Variants in TSHR observed in about 807,000 individuals in gnomAD.
TSHR encodes thyrotropin receptor.
TSHR carries 51 observed loss-of-function variants against 64.1 expected under a neutral mutation model. The ratio of observed to expected loss-of-function variants is 0.80; its 90% CI spans 0.64 to 1.01. The LOEUF (loss-of-function observed/expected upper bound fraction) is 1.01, where lower values mean the gene tolerates loss of function less well. TSHR is among the 50% of genes least tolerant of loss of function. The pLI is 0.00. For synonymous variants in TSHR, 361 were observed against 361.9 expected, an observed-to-expected ratio of 1.00 and a Z score of 0.03; for missense variants, 877 against 942.8, an observed-to-expected ratio of 0.93 and a Z score of 0.91.
At chr14:81,108,833 C>T (rs2140033297) in intron 8 of TSHR, 1 of 1,509,306 alleles carries the variant, frequency 6.6e-7, no homozygotes, top group East Asian at 2.4e-5. Context: ...ATGTACATTG[C>T]ACAATGCCTG....
Position 81,061,058 on chromosome 14 carries a change from T to G in TSHR, c.171-1090T>G, listed in dbSNP as rs192234471. On this transcript the variant is annotated intron_variant, in intron 1 of 9. Transcript: ENST00000298171. ...TTAAGGTGCAAATCCAACAAAGATG[T>G]CTTAAGATTCTGAGGAAGAATTTGC... is the stretch of plus-strand genomic sequence containing the variant. 6.6e-5 allele frequency among the ~76,000 whole-genome samples: 10 copies of G among 152,206 alleles called. No individual in the cohort carries two copies. The East Asian group carries it at 1.9e-3, about 29-fold the overall frequency.
intron 8 of TSHR, among the ~76,000 whole-genome samples, chr14:81,137,889 G>A (rs564472216): frequency 9.2e-5 from 14 of 152,256 alleles, no homozygotes; most frequent in Non-Finnish European, 2.1e-4. Context: ...ATGCTCTCCC[G>A]TTTCACTGAC....
At chr14:81,081,457 C>A (rs566874170) in intron 3 of TSHR, among the ~76,000 whole-genome samples, 1 of 152,084 alleles carries the variant, frequency 6.6e-6, no homozygotes, top group Non-Finnish European at 1.5e-5. Context: ...TGGCACACCA[C>A]CCTCCAGGAG....
chr14:81,018,470 C>T (rs1303350913), intron 1 of TSHR, among the ~76,000 whole-genome samples: 1 of 152,138 alleles, frequency 6.6e-6, no homozygotes. Context: ...AATTTTGAAA[C>T]ACAGTTTTAG....
chr14:81,103,343 C>T lies in TSHR; in HGVS notation c.615-5032C>T. 1 of 985,350 alleles carries T rather than the reference C, an allele frequency of 1.0e-6. No homozygotes were observed. Among genetic ancestry groups the T allele is most frequent in the Non-Finnish European group, 1.2e-6 (1 of 829,872 alleles). The allele number at this position is 985,350 out of a possible 1,614,324, so 61.0% of individuals were successfully genotyped here. A position where few individuals can be genotyped will look rare whatever the true frequency, so the allele number is the denominator to read the frequency against. On this transcript the variant is annotated intron_variant, in intron 7 of 9. Transcript: ENST00000298171. This position sits in a 1 kb window ranked among gnomAD's most constrained non-coding sequence, Gnocchi z 4.1. ...GCATGTTAGCAATTTGGTAATTTCTCCAGAAGTTTGTCCAGGTATCATTAG... is the reference window on the plus strand; with the variant it reads ...GCATGTTAGCAATTTGGTAATTTCTTCAGAAGTTTGTCCAGGTATCATTAG...
intron 1 of TSHR, among the ~76,000 whole-genome samples, chr14:81,011,411 G>A (rs1471454325): frequency 6.6e-6 from 1 of 151,882 alleles, no homozygotes; most frequent in African/African-American, 2.4e-5. Flanking sequence ...ATATTTTTTG[G>A]ATACATCAGT....
At chr14:80,992,313 T>A (rs1285912494) in intron 1 of TSHR, 1 of 142,970 alleles carries the variant, frequency 7.0e-6, no homozygotes, top group African/African-American at 2.6e-5. Flanking sequence ...GTCAGGAGAA[T>A]CCCTTGAACC....
In TSHR at chr14:81,107,446, G is replaced by A. The variant is rs145107829; in HGVS notation, c.615-929G>A. Among the ~76,000 whole-genome samples the A allele has an allele frequency of 4.3e-3, 656 of 152,288 alleles. 7 individuals carry two copies. Among genetic ancestry groups the A allele is most frequent in the African/African-American group, 0.016 (644 of 41,548 alleles). On this transcript the variant is annotated intron_variant, in intron 7 of 9. Transcript: ENST00000298171. ...TAACAAGGATATATATATGTGCTATGCTTCTTTTTAGATAATTTTGTTGTG... is the reference window on the plus strand; with the variant it reads ...TAACAAGGATATATATATGTGCTATACTTCTTTTTAGATAATTTTGTTGTG...
chr14:81,033,663 A>C (rs1361572322), intron 1 of TSHR, among the ~76,000 whole-genome samples: 1 of 151,938 alleles, frequency 6.6e-6, no homozygotes, highest in Non-Finnish European at 1.5e-5. Flanking sequence ...TCTTTAAACC[A>C]AGAGCTTAGC....
intron 1 of TSHR, among the ~76,000 whole-genome samples, chr14:80,981,472 C>T (rs1888166766): frequency 6.6e-6 from 1 of 152,086 alleles, no homozygotes. Context: ...AGGCTGATGA[C>T]CTGGGCCCTG....
At chr14:81,131,476 G>A (rs929640208) in intron 8 of TSHR, among the ~76,000 whole-genome samples, 4 of 151,940 alleles carry the variant, frequency 2.6e-5, no homozygotes, top group East Asian at 1.9e-4. Flanking sequence ...ATGTTCTTTC[G>A]ACAGCCTACA....
intron 1 of TSHR, among the ~76,000 whole-genome samples, chr14:81,058,774 G>A (rs1294400314): frequency 2.0e-5 from 3 of 152,144 alleles, no homozygotes; most frequent in Non-Finnish European, 2.9e-5. Context: ...TATTCAAAAT[G>A]TATTCTGAAA....
At chr14:81,122,106 C>T (rs1401140210) in intron 8 of TSHR, among the ~76,000 whole-genome samples, 1 of 111,218 alleles carries the variant, frequency 9.0e-6, no homozygotes, top group African/African-American at 3.3e-5. Context: ...TGCAATGGTG[C>T]GATCTCAGCT....
chr14:81,077,625 C>T (rs527802512), intron 3 of TSHR, among the ~76,000 whole-genome samples: 1 of 152,318 alleles, frequency 6.6e-6, no homozygotes, highest in East Asian at 1.9e-4. Flanking sequence ...TTGGATCTTG[C>T]TTTTATATCC....
intron 3 of TSHR, among the ~76,000 whole-genome samples, chr14:81,077,455 C>G (rs1887586754): frequency 6.6e-6 from 1 of 152,174 alleles, no homozygotes; most frequent in African/African-American, 2.4e-5. Flanking sequence ...TGAGCATTTA[C>G]CATATCCCAA....
intron 1 of TSHR, among the ~76,000 whole-genome samples, chr14:81,036,343 G>A (rs1174194783): frequency 1.3e-5 from 2 of 152,020 alleles, no homozygotes; most frequent in Non-Finnish European, 2.9e-5. Flanking sequence ...TGAGAGAAGA[G>A]AATCAAGTTA....
intron 1 of TSHR, chr14:80,982,563 T>C: frequency 4.9e-6 from 5 of 1,014,658 alleles, no homozygotes; most frequent in Middle Eastern, 2.3e-4. Context: ...ATCCTCAATC[T>C]GTGAGTAGGA....
chr14:81,068,336 C>G lies in TSHR; in HGVS notation c.317+8C>G, dbSNP rs2139910485. 6.2e-7 allele frequency: 1 copy of G among 1,612,302 alleles called. No individual in the cohort carries two copies. The highest frequency in any genetic ancestry group is 1.1e-5 in the South Asian group (1 of 91,048). ...GAGTAAAGTGACTCACATGTAAGTA[C>G]AAGGAAAAGTGCAGCATAGACCTAA... is the stretch of plus-strand genomic sequence containing the variant. On this transcript the variant is annotated splice_region_variant and intron_variant, in intron 3 of 9. Transcript: ENST00000298171.
intron 1 of TSHR, among the ~76,000 whole-genome samples, chr14:81,008,235 T>G (rs74739134): frequency 0.023 from 3,422 of 151,546 alleles, 49 homozygotes; most frequent in Non-Finnish European, 0.034. Context: ...TGCAGTGGCA[T>G]GATCTCGGCT....
Sources: allele counts gnomAD v4.1 joint callset (sites outside exome capture counted in the v4.1 genomes callset), GRCh38; gene constraint gnomAD v4.1.1; non-coding constraint Gnocchi (gnomAD v3.1); transcripts MANE v1.5; gene names NCBI Gene and HGNC (gene_info 2026-07-23, HGNC 2026-07-21).